The following SV2C variants were observed in gnomAD, a reference collection of about 807,000 sequenced individuals.
SV2C encodes solute carrier family 22 member B3.
SV2C carries 49 observed loss-of-function variants against 79.7 expected under a neutral mutation model. The ratio of observed to expected loss-of-function variants is 0.61; its 90% CI spans 0.49 to 0.78. The LOEUF (loss-of-function observed/expected upper bound fraction) is 0.78. Ranked by LOEUF, SV2C falls within the 30% of genes least tolerant of loss-of-function variation. The pLI, the probability that SV2C is intolerant of heterozygous loss-of-function variation, is 0.00. For synonymous variants in SV2C, 334 were observed against 333.2 expected, an observed-to-expected ratio of 1.00 and a Z score of -0.03; for missense variants, 833 against 912.9, an observed-to-expected ratio of 0.91 and a Z score of 1.13.
chr5:76,009,768 G>A, the SV2C span, among the ~76,000 whole-genome samples: 30 of 152,184 alleles, frequency 2.0e-4, no homozygotes, highest in Non-Finnish European at 3.7e-4. Flanking sequence ...TCAGAGAGAC[G>A]GAGGTGGGCA....
the SV2C span, among the ~76,000 whole-genome samples, chr5:75,888,233 G>C: frequency 2.6e-5 from 4 of 151,986 alleles, no homozygotes; most frequent in Admixed American, 6.6e-5. Flanking sequence ...GCAACCAGGT[G>C]GGGGCGATGC....
chr5:76,132,008 T>C lies in SV2C; in HGVS notation c.258T>C (p.Asp86=). The part of the protein sequence containing the change: ...SEATEGHDED[D]EIYEGEYQGI... ...CCACTGAGGGGCATGATGAAGATGA[T>C]GAGATCTATGAGGGGGAGTATCAGG... The change falls in exon 2 of 13, where the codon GAT becomes GAC. Residue 86 remains aspartate (D), a synonymous_variant. Transcript: ENST00000502798. 1 of 1,613,294 alleles carries C rather than the reference T, an allele frequency of 6.2e-7. No homozygotes were observed. Among genetic ancestry groups the C allele is most frequent in the South Asian group, 1.1e-5 (1 of 90,972 alleles).
At chr5:76,044,986 T>C in the SV2C span, among the ~76,000 whole-genome samples, 77 of 152,352 alleles carry the variant, frequency 5.1e-4, no homozygotes, top group African/African-American at 1.7e-3. Flanking sequence ...ATGGAATCTT[T>C]GCCCCTGCCT....
At chr5:76,020,087 ACT>A in the SV2C span, among the ~76,000 whole-genome samples, 1 of 152,150 alleles carries the variant, frequency 6.6e-6, no homozygotes, top group African/African-American at 2.4e-5. Flanking sequence ...AAAACCTTTC[ACT>A]GTTACAGCTT....
At chr5:76,277,307 A>T (rs575971294) in intron 4 of SV2C, among the ~76,000 whole-genome samples, 1 of 152,346 alleles carries the variant, frequency 6.6e-6, no homozygotes, top group East Asian at 1.9e-4. Flanking sequence ...GTATATAGCA[A>T]TTTTATTCAT....
At chr5:76,051,438 C>A in the SV2C span, among the ~76,000 whole-genome samples, 3 of 151,952 alleles carry the variant, frequency 2.0e-5, no homozygotes, top group African/African-American at 7.2e-5. Flanking sequence ...TGTAAGTGTT[C>A]AAAAATTTAG....
chr5:76,146,893 G>A (rs1379076881), intron 2 of SV2C, among the ~76,000 whole-genome samples: 2 of 150,322 alleles, frequency 1.3e-5, no homozygotes, highest in African/African-American at 2.5e-5. Flanking sequence ...ATTAAGTGCT[G>A]ACTGTGCTAC....
At chr5:76,291,082 A>G (rs1375911745) in intron 6 of SV2C, 139 bp from the exon 7 acceptor site, 2 of 519,700 alleles carry the variant, frequency 3.8e-6, no homozygotes, top group African/African-American at 3.9e-5. Flanking sequence ...CAGTGGTCTC[A>G]TATATGTATG....
the SV2C span, among the ~76,000 whole-genome samples, chr5:76,026,492 A>G: frequency 6.6e-6 from 1 of 152,214 alleles, no homozygotes; most frequent in Non-Finnish European, 1.5e-5. Context: ...AGGCAAGTAC[A>G]CAAAGAGAAA....
At chr5:76,184,488 A>T (rs4235695) in intron 2 of SV2C, among the ~76,000 whole-genome samples, 8 of 152,018 alleles carry the variant, frequency 5.3e-5, no homozygotes, top group Non-Finnish European at 7.4e-5. Flanking sequence ...TAAAGAAATA[A>T]CTGAGACTGA....
At chr5:75,978,277 G>T in the SV2C span, among the ~76,000 whole-genome samples, 1 of 152,102 alleles carries the variant, frequency 6.6e-6, no homozygotes, top group Non-Finnish European at 1.5e-5. Flanking sequence ...TACCACACTA[G>T]CTGTACTTTG....
Position 76,295,846 on chromosome 5 carries a change from T to C in SV2C, c.1406T>C (p.Leu469Pro), listed in dbSNP as rs1292887300. The C allele has an allele frequency of 2.5e-6, 4 of 1,613,672 alleles. No homozygotes were observed. The highest frequency in any genetic ancestry group is 1.7e-4 in the Middle Eastern group (1 of 6,056). ...KPLQSDEYAL[L>P]TRNVERDKYA... is the part of the protein sequence containing the mutation. ...CTGCAGTCCGATGAATATGCATTGC[T>C]AACCAGAAATGTGGAGAGAGATAAA... The change falls in exon 9 of 13, where the codon CTA becomes CCA. Residue 469 changes from leucine to proline, a missense_variant. Coordinates refer to ENST00000502798, the MANE Select transcript of SV2C (RefSeq NM_014979.4).
the SV2C span, among the ~76,000 whole-genome samples, chr5:75,851,326 T>C: frequency 6.6e-6 from 1 of 152,070 alleles, no homozygotes; most frequent in Non-Finnish European, 1.5e-5. Context: ...TGAACTATGT[T>C]CTGCTAGTAA....
chr5:76,007,706 G>C, the SV2C span, among the ~76,000 whole-genome samples: 2 of 152,200 alleles, frequency 1.3e-5, no homozygotes, highest in Non-Finnish European at 2.9e-5. Context: ...AAAGGTGCTG[G>C]GGACATGACA....
intron 2 of SV2C, among the ~76,000 whole-genome samples, chr5:76,187,965 T>C (rs546095447): frequency 6.6e-6 from 1 of 152,144 alleles, no homozygotes; most frequent in South Asian, 2.1e-4. Flanking sequence ...AATAGTAATA[T>C]TAATAATTGT....
At chr5:75,982,498 C>A in the SV2C span, among the ~76,000 whole-genome samples, 87 of 152,262 alleles carry the variant, frequency 5.7e-4, no homozygotes, top group African/African-American at 1.9e-3. Context: ...AAAAGGAATG[C>A]TTTTATGCTG....
chr5:75,921,544 C>A, the SV2C span: 1 of 838,134 alleles, frequency 1.2e-6, no homozygotes, highest in Non-Finnish European at 2.1e-6. Context: ...TGATTGAAGG[C>A]ATGGTCTTGG....
chr5:76,224,366 A>C lies in SV2C; in HGVS notation c.913+14479A>C, dbSNP rs116765123. On this transcript the variant is annotated intron_variant, in intron 4 of 12. Coordinates refer to ENST00000502798, the MANE Select transcript of SV2C (RefSeq NM_014979.4). ...CTAGACAAAATATGTATGTGTGTGT[A>C]TGTGTGTATTTCTTTGAAAATAACT... is the stretch of plus-strand genomic sequence containing the variant. 5.9e-3 allele frequency among the ~76,000 whole-genome samples: 899 copies of C among 152,298 alleles called. 6 individuals are homozygous for C. The highest frequency in any genetic ancestry group is 0.034 in the Middle Eastern group (10 of 294).
At chr5:76,232,653 A>T (rs1210786387) in intron 4 of SV2C, among the ~76,000 whole-genome samples, 1 of 148,170 alleles carries the variant, frequency 6.7e-6, no homozygotes, top group Non-Finnish European at 1.5e-5. Context: ...AGCTTTCTAC[A>T]TATGGCTAGC....
Sources: allele counts gnomAD v4.1 joint callset (sites outside exome capture counted in the v4.1 genomes callset), GRCh38; gene constraint gnomAD v4.1.1; transcripts MANE v1.5; gene names NCBI Gene and HGNC (gene_info 2026-07-23, HGNC 2026-07-21).